The following TNS1 variants were observed in gnomAD, a reference collection of about 807,000 sequenced individuals.
TNS1 encodes the protein tensin-1.
A neutral mutation model predicts 168.6 loss-of-function variants in TNS1; 62 were observed. The ratio of observed to expected loss-of-function variants is 0.37; its 90% CI spans 0.30 to 0.45. The LOEUF (loss-of-function observed/expected upper bound fraction) is 0.45. TNS1 is among the 20% of genes least tolerant of loss of function. TNS1 has a pLI of 1.00. For missense variants in TNS1, 2,240 were observed against 2,339.4 expected (o/e 0.96, Z 0.88); for synonymous variants, 934 against 933.2 (o/e 1.00, Z -0.02).
intron 18 of TNS1, among the ~76,000 whole-genome samples, chr2:217,861,399 CCA>C (rs1462906064): frequency 2.6e-5 from 4 of 152,332 alleles, no homozygotes; most frequent in African/African-American, 9.6e-5. Context: ...GCACTTGCTT[CCA>C]GTCGTTCTTT....
intron 21 of TNS1, among the ~76,000 whole-genome samples, chr2:217,832,186 C>T (rs899422279): frequency 2.6e-5 from 4 of 152,166 alleles, no homozygotes; most frequent in Admixed American, 6.5e-5. Flanking sequence ...GGGCTCTGTC[C>T]CCCCAAACCT....
At chr2:218,022,000 G>A (rs62182236) in intron 1 of TNS1, among the ~76,000 whole-genome samples, 22,051 of 151,982 alleles carry the variant, frequency 0.15, 1,736 homozygotes, top group South Asian at 0.28. Context: ...AGAAATCTGG[G>A]GAAGGCTGAA....
intron 1 of TNS1, among the ~76,000 whole-genome samples, chr2:218,001,021 C>CACGCAA (rs1320845890): frequency 6.6e-6 from 1 of 152,094 alleles, no homozygotes; most frequent in East Asian, 1.9e-4. Context: ...GACATGTTGG[C>CACGCAA]ACGCACTTGT....
rs772216011 is a variant in TNS1 at position 217,831,493 on chromosome 2, G to A, written c.3335C>T (p.Pro1112Leu). The A allele has an allele frequency of 1.5e-4, 245 of 1,585,822 alleles. 2 individuals are homozygous for A. Among genetic ancestry groups the A allele is most frequent in the South Asian group, 4.4e-4 (38 of 87,220 alleles). Residue 1112 changes from proline (P) to leucine (L), a missense_variant, in exon 22 of 33, where the codon CCT becomes CTT. This residue lies in a region of TNS1 where 2,131 missense variants were observed against 2,171.2 expected (regional missense o/e 0.98). Coordinates refer to ENST00000682258, the MANE Select transcript of TNS1 (RefSeq NM_001387777.1). Reference protein sequence around the residue: ...KTPLSALGLKPHNPADILLHP... With the variant: ...KTPLSALGLKLHNPADILLHP... ...CAACAGGATGTCCGCTGGGTTGTGA[G>A]GTTTCAGGCCCAGAGCAGACAGGGG...
Position 217,995,083 on chromosome 2 carries a change from G to T in TNS1, c.34-4027C>A, listed in dbSNP as rs1426820600. On this transcript the variant is annotated intron_variant, in intron 1 of 32. Coordinates refer to ENST00000682258, the MANE Select transcript of TNS1 (RefSeq NM_001387777.1). The surrounding 1 kb of genome is among the most constrained non-coding windows in gnomAD (Gnocchi z 4.1). ...AGTGATGGGGGTGGGACTTGCAGATGATTCAGAGAGTGGAATGAATGAGGA... is the reference window on the plus strand; with the variant it reads ...AGTGATGGGGGTGGGACTTGCAGATTATTCAGAGAGTGGAATGAATGAGGA... 6.6e-6 allele frequency among the ~76,000 whole-genome samples: 1 copy of T among 152,196 alleles called. No individual in the cohort carries two copies. Among genetic ancestry groups the T allele is most frequent in the Non-Finnish European group, 1.5e-5 (1 of 68,038 alleles).
intron 23 of TNS1, among the ~76,000 whole-genome samples, chr2:217,820,991 G>A (rs183019826): frequency 2.6e-5 from 4 of 152,290 alleles, no homozygotes; most frequent in East Asian, 1.9e-4. Context: ...CTGTCCTTCT[G>A]GAATGCCCTG....
upstream of TNS1, among the ~76,000 whole-genome samples, chr2:218,005,064 C>T (rs1181778004): frequency 2.0e-5 from 3 of 152,206 alleles, no homozygotes; most frequent in African/African-American, 7.2e-5. Flanking sequence ...CCAGCTCTGC[C>T]AGGCTGCCCT....
At chr2:217,958,933 A>G (rs1157607442) in intron 3 of TNS1, among the ~76,000 whole-genome samples, 3 of 152,214 alleles carry the variant, frequency 2.0e-5, no homozygotes, top group Non-Finnish European at 2.9e-5. Flanking sequence ...GCACCTGGAG[A>G]TCCGCAGCCA....
chr2:217,846,298 C>T (rs1946637955), intron 19 of TNS1, among the ~76,000 whole-genome samples: 1 of 152,196 alleles, frequency 6.6e-6, no homozygotes, highest in African/African-American at 2.4e-5. Flanking sequence ...GGGGACTCTG[C>T]TCTGCTCTGA....
chr2:217,857,766 C>T (rs1948325149), intron 18 of TNS1, among the ~76,000 whole-genome samples: 1 of 152,200 alleles, frequency 6.6e-6, no homozygotes, highest in African/African-American at 2.4e-5. Flanking sequence ...CTGACTCCGG[C>T]CTGGCCTGTG....
intron 18 of TNS1, among the ~76,000 whole-genome samples, chr2:217,862,891 G>A (rs753329328): frequency 9.2e-5 from 14 of 152,202 alleles, no homozygotes; most frequent in Non-Finnish European, 1.9e-4. Context: ...CTACAATGAA[G>A]ACACACTTCC....
chr2:217,976,615 GC>G (rs904320569), intron 3 of TNS1, among the ~76,000 whole-genome samples: 17 of 152,314 alleles, frequency 1.1e-4, no homozygotes, highest in Non-Finnish European at 2.2e-4. Flanking sequence ...TGCATTCTGA[GC>G]CCCCAGCACA....
chr2:217,853,769 G>A (rs370962691), intron 18 of TNS1, among the ~76,000 whole-genome samples: 4 of 152,160 alleles, frequency 2.6e-5, no homozygotes, highest in Admixed American at 2.0e-4. Flanking sequence ...CCAGATGCAC[G>A]AGTCATGCTT....
chr2:218,012,018 C>T (rs1208576572), upstream of TNS1, among the ~76,000 whole-genome samples: 1 of 152,184 alleles, frequency 6.6e-6, no homozygotes, highest in African/African-American at 2.4e-5. Context: ...CAGGCCGGGC[C>T]TTTGTTCATG....
At chr2:218,029,960 A>C (rs998939334) in intron 1 of TNS1, among the ~76,000 whole-genome samples, 1 of 152,078 alleles carries the variant, frequency 6.6e-6, no homozygotes, top group African/African-American at 2.4e-5. Context: ...GAGAGGGGTT[A>C]TTTTCAACTT....
chr2:218,031,884 C>A (rs1368957621), intron 1 of TNS1, among the ~76,000 whole-genome samples: 1 of 152,224 alleles, frequency 6.6e-6, no homozygotes, highest in Non-Finnish European at 1.5e-5. Flanking sequence ...GAAGAGCTGA[C>A]TGCAGAAACG....
intron 3 of TNS1, among the ~76,000 whole-genome samples, chr2:217,940,475 G>A (rs370161866): frequency 5.9e-5 from 9 of 152,114 alleles, no homozygotes; most frequent in Non-Finnish European, 1.3e-4. Context: ...TCAGGCTCAC[G>A]GCACACTCAG....
intron 12 of TNS1, 60 bp from the exon 13 acceptor site, chr2:217,886,706 G>A: frequency 7.7e-7 from 1 of 1,296,800 alleles, no homozygotes; most frequent in South Asian, 1.3e-5. Context: ...AGTAATCCCT[G>A]TTCTCTCTTT....
At chr2:218,021,492 T>G (rs1958806194) in intron 1 of TNS1, among the ~76,000 whole-genome samples, 1 of 152,186 alleles carries the variant, frequency 6.6e-6, no homozygotes, top group Non-Finnish European at 1.5e-5. Flanking sequence ...TCACTCAATC[T>G]ACAACGCAAC....
Sources: gnomAD v4.1 joint callset for allele counts (sites outside exome capture counted in the v4.1 genomes callset) on GRCh38, gnomAD v4.1.1 for gene constraint, gnomAD v4.1.1 regional missense constraint, Gnocchi (gnomAD v3.1) non-coding constraint, MANE v1.5 for transcripts, NCBI Gene and HGNC (gene_info 2026-07-23, HGNC 2026-07-21) for gene names.